The following GPR139 variants were observed in gnomAD, a reference collection of about 807,000 sequenced individuals.
GPR139 encodes probable G protein-coupled receptor 139.
In GPR139, 12 loss-of-function variants were observed where a neutral mutation model predicts 25.8. The observed-to-expected ratio is 0.47, with a 90% CI of 0.30 to 0.75. The LOEUF (loss-of-function observed/expected upper bound fraction) is 0.75. Ranked by LOEUF, GPR139 falls within the 30% of genes least tolerant of loss-of-function variation. The probability of loss-of-function intolerance (pLI) is 0.07; values close to 1 mark genes in which losing one functional copy is unlikely to be tolerated. For synonymous variants in GPR139, 184 were observed against 179.9 expected (o/e 1.02, Z -0.18); for missense variants, 380 against 450.2 (o/e 0.84, Z 1.41).
intron 1 of GPR139, among the ~76,000 whole-genome samples, chr16:20,069,071 G>T (rs1460770846): frequency 6.6e-6 from 1 of 152,112 alleles, no homozygotes; most frequent in Non-Finnish European, 1.5e-5. Flanking sequence ...GGAACATTGG[G>T]TTGTAGTTTT....
chr16:20,029,297 CAATT>C lies in GPR139; in HGVS notation c.*2434_*2437del, dbSNP rs1347394408. On this transcript the variant is annotated 3_prime_UTR_variant, in exon 2 of 2. Transcript: ENST00000570682. Reference sequence around the variant, plus strand: ...TGCACACCCAGTTTTTAAACATCAACAATTAATTGTTACACACAATTAAAAATAT... The same window carrying C: ...TGCACACCCAGTTTTTAAACATCAACAATTGTTACACACAATTAAAAATAT... Among the ~76,000 whole-genome samples the C allele has an allele frequency of 1.3e-5, 2 of 151,976 alleles. No individual in the cohort carries two copies. Among genetic ancestry groups the C allele is most frequent in the East Asian group, 3.9e-4 (2 of 5,186 alleles).
At chr16:20,053,593 T>G (rs1567238432) in intron 1 of GPR139, among the ~76,000 whole-genome samples, 1 of 152,178 alleles carries the variant, frequency 6.6e-6, no homozygotes, top group African/African-American at 2.4e-5. Context: ...TCAGTGAAAT[T>G]GCTTTGCAAA....
Position 20,029,484 on chromosome 16 carries a change from AATATAT to A in GPR139, c.*2245_*2250del, listed in dbSNP as rs59809855. ...TACATGTTTAAAAAATAAATAAATA[AATATAT>A]ATATATATATATATTCAGTATAGGT... On this transcript the variant is annotated 3_prime_UTR_variant, in exon 2 of 2. Coordinates refer to ENST00000570682, the MANE Select transcript of GPR139 (RefSeq NM_001002911.4). Among the ~76,000 whole-genome samples the A allele has an allele frequency of 6.9e-6, 1 of 144,100 alleles. No individual in the cohort carries two copies. The highest frequency in any genetic ancestry group is 2.5e-5 in the African/African-American group (1 of 39,950). The allele number at this position is 144,100 out of a possible 152,430, so 94.5% of individuals were successfully genotyped here.
intron 1 of GPR139, among the ~76,000 whole-genome samples, chr16:20,043,381 G>T (rs2057343306): frequency 6.6e-6 from 1 of 152,180 alleles, no homozygotes; most frequent in Non-Finnish European, 1.5e-5. Context: ...TCTAATGACT[G>T]TCCTATGTTG....
rs564758362 is a variant in GPR139 at position 20,029,161 on chromosome 16, A to G, written c.*2574T>C. On this transcript the variant is annotated 3_prime_UTR_variant, in exon 2 of 2. Coordinates refer to ENST00000570682, the MANE Select transcript of GPR139 (RefSeq NM_001002911.4). Reference sequence around the variant, plus strand: ...AAGAATTGGACCTCTTTTAAATATCATGTAGCAAAATATAAAATATATTCG... The same window carrying G: ...AAGAATTGGACCTCTTTTAAATATCGTGTAGCAAAATATAAAATATATTCG... Among the ~76,000 whole-genome samples the G allele has an allele frequency of 5.4e-4, 82 of 152,316 alleles. No individual in the cohort carries two copies. The highest frequency in any genetic ancestry group is 1.1e-3 in the Non-Finnish European group (73 of 68,034).
At position 20,065,889 on chromosome 16, in the gene GPR139, A is replaced by AG. The variant is rs1324013133; in HGVS notation, c.127+7600_127+7601insC. Among the ~76,000 whole-genome samples, 6 of 152,292 alleles carry AG rather than the reference A, an allele frequency of 3.9e-5. 1 individual carries two copies. Among genetic ancestry groups the AG allele is most frequent in the African/African-American group, 1.4e-4 (6 of 41,560 alleles). ...AGTGAGACTATCTCAAAAAAAAAAA[A>AG]AAAAAAGTTAAATAAGTTAATGCGT... On this transcript the variant is annotated intron_variant, in intron 1 of 1. Coordinates refer to ENST00000570682, the MANE Select transcript of GPR139 (RefSeq NM_001002911.4).
chr16:20,050,997 A>C (rs72772728), intron 1 of GPR139, among the ~76,000 whole-genome samples: 29,922 of 148,902 alleles, frequency 0.2, 3,231 homozygotes, highest in East Asian at 0.32. Context: ...CAAGAGGTCA[A>C]GGCTGCAGTG....
At chr16:20,035,283 G>A (rs1423851606) in intron 1 of GPR139, among the ~76,000 whole-genome samples, 3 of 152,110 alleles carry the variant, frequency 2.0e-5, no homozygotes, top group Non-Finnish European at 4.4e-5. Flanking sequence ...CAACATCCAT[G>A]CTCAAAACCA....
intron 1 of GPR139, among the ~76,000 whole-genome samples, chr16:20,033,108 G>C (rs867792297): frequency 6.6e-6 from 1 of 151,022 alleles, no homozygotes; most frequent in African/African-American, 2.4e-5. Flanking sequence ...GGGGCTCTGA[G>C]AGCCTCACAC....
chr16:20,061,225 GTGTGGATGGATGGATGGA>G (rs2057412697), intron 1 of GPR139, among the ~76,000 whole-genome samples: 1 of 138,022 alleles, frequency 7.2e-6, no homozygotes, highest in Non-Finnish European at 1.6e-5. Flanking sequence ...ATGGATGGAT[GTGTGGATGGATGGATGGA>G]TGGATGGATG....
At chr16:20,071,613 G>A (rs2057459528) in intron 1 of GPR139, among the ~76,000 whole-genome samples, 1 of 152,180 alleles carries the variant, frequency 6.6e-6, no homozygotes, top group African/African-American at 2.4e-5. Flanking sequence ...CAAACTCTGG[G>A]CTAAGCCTGT....
At chr16:20,067,631 C>T (rs1325726873) in intron 1 of GPR139, among the ~76,000 whole-genome samples, 1 of 151,712 alleles carries the variant, frequency 6.6e-6, no homozygotes, top group Non-Finnish European at 1.5e-5. Context: ...GTGGAGAAAC[C>T]CCGTCTCTAC....
intron 1 of GPR139, among the ~76,000 whole-genome samples, chr16:20,072,799 C>T (rs1173178848): frequency 7.2e-5 from 11 of 152,188 alleles, no homozygotes; most frequent in Admixed American, 7.2e-4. Flanking sequence ...GGGGGCCAGG[C>T]ATGTCCTCAA....
intron 1 of GPR139, among the ~76,000 whole-genome samples, chr16:20,046,034 G>T (rs2057353420): frequency 6.6e-6 from 1 of 152,150 alleles, no homozygotes; most frequent in South Asian, 2.1e-4. Context: ...CTCTGCCTTG[G>T]TTGTCGCTGT....
intron 1 of GPR139, among the ~76,000 whole-genome samples, chr16:20,067,648 T>C (rs936803891): frequency 1.3e-5 from 2 of 151,658 alleles, no homozygotes; most frequent in Non-Finnish European, 2.9e-5. Flanking sequence ...CTACTAAAAA[T>C]ACAAAATTAG....
At chr16:20,032,727 T>C in intron 1 of GPR139, 58 bp from the exon 2 acceptor site, 39 of 1,275,734 alleles carry the variant, frequency 3.1e-5, no homozygotes, top group Non-Finnish European at 4.1e-5. Flanking sequence ...CGTTGGCTCC[T>C]ATGGGGGCCC....
Position 20,073,732 on chromosome 16 carries a change from C to T in GPR139, c.-116G>A, listed in dbSNP as rs2057469861. The T allele has an allele frequency of 2.3e-6, 3 of 1,317,244 alleles. No homozygotes were observed. Among genetic ancestry groups the T allele is most frequent in the Admixed American group, 2.6e-5 (1 of 37,896 alleles). 81.6% of individuals were successfully genotyped at this position (1,317,244 alleles called of 1,614,324 possible). A position where few individuals can be genotyped will look rare whatever the true frequency, so the allele number is the denominator to read the frequency against. On this transcript the variant is annotated 5_prime_UTR_variant, in exon 1 of 2. Coordinates refer to ENST00000570682, the MANE Select transcript of GPR139 (RefSeq NM_001002911.4). This position sits in a 1 kb window ranked among gnomAD's most constrained non-coding sequence, Gnocchi z 4.7. ...CGGCAGCTGGAGCAGCAGCGCCTCT[C>T]TCCCCGCAGGACTGGCTCCTACCCT...
chr16:20,041,254 A>G (rs537132516), intron 1 of GPR139, among the ~76,000 whole-genome samples: 2 of 884 alleles, frequency 2.3e-3, no homozygotes, highest in East Asian at 0.024. Context: ...AGGAGAGGGA[A>G]GGAGAAAAGA....
chr16:20,033,791 T>G (rs1434573430), intron 1 of GPR139, among the ~76,000 whole-genome samples: 1 of 152,148 alleles, frequency 6.6e-6, no homozygotes, highest in Non-Finnish European at 1.5e-5. Context: ...GAAATTACAG[T>G]TAATAAATAA....
Sources: allele counts gnomAD v4.1 joint callset (sites outside exome capture counted in the v4.1 genomes callset), GRCh38; gene constraint gnomAD v4.1.1; non-coding constraint Gnocchi (gnomAD v3.1); transcripts MANE v1.5; gene names NCBI Gene and HGNC (gene_info 2026-07-23, HGNC 2026-07-21).